Variants in PPFIBP2 observed in about 807,000 individuals in gnomAD.
PPFIBP2 encodes liprin-beta-2.
PPFIBP2 carries 118 observed loss-of-function variants against 118.3 expected under a neutral mutation model. That is an observed-to-expected ratio of 1.00 (90% confidence interval 0.86 to 1.16). The LOEUF (loss-of-function observed/expected upper bound fraction) is 1.16. Ranked by LOEUF, PPFIBP2 falls within the 50% of genes most tolerant of loss-of-function variation. The pLI is 0.00. For synonymous variants in PPFIBP2, 414 were observed against 397.4 expected, an observed-to-expected ratio of 1.04 and a Z score of -0.50; for missense variants, 1,195 against 1,073.1, an observed-to-expected ratio of 1.11 and a Z score of -1.59.
chr11:7,544,167 A>C (rs1175574577), intron 1 of PPFIBP2, among the ~76,000 whole-genome samples: 1 of 152,172 alleles, frequency 6.6e-6, no homozygotes, highest in Non-Finnish European at 1.5e-5. Flanking sequence ...TTTTTTCTTA[A>C]ACAACATACC....
chr11:7,637,405 G>A (rs973846219), intron 14 of PPFIBP2, among the ~76,000 whole-genome samples: 17 of 152,134 alleles, frequency 1.1e-4, no homozygotes, highest in African/African-American at 3.1e-4. Flanking sequence ...CTGTGTGCTA[G>A]GCCCTGTGGA....
intron 3 of PPFIBP2, among the ~76,000 whole-genome samples, chr11:7,590,954 C>G (rs1028945322): frequency 6.6e-6 from 1 of 152,288 alleles, no homozygotes; most frequent in South Asian, 2.1e-4. Flanking sequence ...TTTGATTTTA[C>G]CATACTGATC....
chr11:7,575,002 C>T (rs1266264015), intron 3 of PPFIBP2, among the ~76,000 whole-genome samples: 5 of 152,068 alleles, frequency 3.3e-5, no homozygotes, highest in African/African-American at 1.2e-4. Context: ...TTTCTCTCCC[C>T]TACCCTGCAC....
intron 11 of PPFIBP2, among the ~76,000 whole-genome samples, chr11:7,631,677 A>T (rs931638907): frequency 6.6e-6 from 1 of 152,170 alleles, no homozygotes; most frequent in Non-Finnish European, 1.5e-5. Flanking sequence ...ACGTCACACT[A>T]TCAAATTGAA....
chr11:7,615,878 G>C (rs1293784959), intron 6 of PPFIBP2, among the ~76,000 whole-genome samples: 2 of 152,168 alleles, frequency 1.3e-5, no homozygotes, highest in Non-Finnish European at 2.9e-5. Flanking sequence ...AAATAAAATG[G>C]ATGGGGAACT....
At chr11:7,571,738 T>A (rs1855671678) in intron 3 of PPFIBP2, 1 of 151,704 alleles carries the variant, frequency 6.6e-6, no homozygotes, top group African/African-American at 2.4e-5. Flanking sequence ...GAGAAAGGAG[T>A]AGGTGTGTCC....
chr11:7,631,303 T>C lies in PPFIBP2; in HGVS notation c.1068+275T>C, dbSNP rs1850730860. ...GGCTCCTAGTTTATTTTTATCTTTT[T>C]TTTCTCTGGAATGTAAGCATAGACC... On this transcript the variant is annotated intron_variant, in intron 11 of 23. Coordinates refer to ENST00000299492, the MANE Select transcript of PPFIBP2 (RefSeq NM_003621.5). 3 of 341,780 alleles carry C rather than the reference T, an allele frequency of 8.8e-6. No homozygotes were observed. The East Asian group carries it at 1.6e-4, about 18-fold the overall frequency. The allele number at this position is 341,780 out of a possible 1,614,324, so 21.2% of individuals were successfully genotyped here.
chr11:7,565,496 T>A, intron 2 of PPFIBP2, 57 bp from the exon 3 acceptor site: 4 of 1,571,514 alleles, frequency 2.5e-6, no homozygotes, highest in Non-Finnish European at 3.5e-6. Flanking sequence ...TCTTTACTAG[T>A]ACCTTGCTCA....
At chr11:7,533,707 G>A (rs1246465175) in intron 1 of PPFIBP2, among the ~76,000 whole-genome samples, 1 of 152,200 alleles carries the variant, frequency 6.6e-6, no homozygotes, top group African/African-American at 2.4e-5. Context: ...GGATTTGAAA[G>A]TAGAGATGGA....
At chr11:7,587,650 G>C (rs1460181473) in intron 3 of PPFIBP2, among the ~76,000 whole-genome samples, 1 of 152,192 alleles carries the variant, frequency 6.6e-6, no homozygotes, top group Non-Finnish European at 1.5e-5. Flanking sequence ...TGGGTTCATA[G>C]CTGTCTCTTG....
chr11:7,659,094 G>A (rs1341659730), downstream of PPFIBP2, among the ~76,000 whole-genome samples: 2 of 148,080 alleles, frequency 1.4e-5, no homozygotes, highest in African/African-American at 5.1e-5. Context: ...TTTGTAGGTT[G>A]CCTGTTCACT....
intron 1 of PPFIBP2, among the ~76,000 whole-genome samples, chr11:7,527,535 G>A (rs1850336599): frequency 6.6e-6 from 1 of 152,122 alleles, no homozygotes; most frequent in Non-Finnish European, 1.5e-5. Context: ...GTGATGATGG[G>A]ACCACAAGAT....
rs768008628 is a variant in PPFIBP2, at chr11:7,549,543, C to T, written c.64+4C>T. ...CAAATGGACGGGATCATTGCAGGTA[C>T]GCCCAGGGAACCCCAGCAACCAAGG... On this transcript the variant is annotated splice_donor_region_variant and intron_variant, in intron 2 of 23. Coordinates refer to ENST00000299492, the MANE Select transcript of PPFIBP2 (RefSeq NM_003621.5). 10 of 1,553,470 alleles carry T rather than the reference C, an allele frequency of 6.4e-6. No homozygotes were observed. The highest frequency in any genetic ancestry group is 4.9e-5 in the East Asian group (2 of 41,162).
Position 7,650,885 on chromosome 11 carries a change from G to C in PPFIBP2, c.2167G>C (p.Val723Leu), listed in dbSNP as rs754949770. The C allele has an allele frequency of 7.4e-6, 12 of 1,613,916 alleles. No homozygotes were observed. Among genetic ancestry groups the C allele is most frequent in the African/African-American group, 1.3e-5 (1 of 74,928 alleles). Reference sequence around the variant, plus strand: ...AGTTGTACAGTGGTCCAACCACAGGGTGATGGAGTGGTTACGATCTGTGGA... The same window carrying C: ...AGTTGTACAGTGGTCCAACCACAGGCTGATGGAGTGGTTACGATCTGTGGA... ...SEVVQWSNHR[V>L]MEWLRSVDLA... Residue 723 changes from valine to leucine, a missense_variant, in exon 22 of 24, where the codon GTG (valine) becomes CTG (leucine). By Grantham distance (32) the Val-to-Leu change is conservative (BLOSUM62 1). Coordinates refer to ENST00000299492, the MANE Select transcript of PPFIBP2 (RefSeq NM_003621.5).
intron 1 of PPFIBP2, among the ~76,000 whole-genome samples, chr11:7,523,145 T>G (rs1470862026): frequency 6.6e-6 from 1 of 152,100 alleles, no homozygotes; most frequent in Non-Finnish European, 1.5e-5. Context: ...GTGAGGATCT[T>G]ATCTGGAATC....
rs763257994 is a variant in PPFIBP2, at chr11:7,651,845, G to A, written c.2436+1G>A. ...ACTGACCACCACAGCCAAAGTCCGG[G>A]TGAGTTGCAGAGCCTTTCTGGGTGG... On this transcript the variant is annotated splice_donor_variant, in intron 23 of 23. Transcript: ENST00000299492. LOFTEE classifies it high-confidence loss of function. 8 of 1,606,530 alleles carry A rather than the reference G, an allele frequency of 5.0e-6. No individual in the cohort carries two copies. Among genetic ancestry groups the A allele is most frequent in the South Asian group, 2.2e-5 (2 of 90,804 alleles).
At chr11:7,559,923 AAAAAT>A (rs549118206) in intron 2 of PPFIBP2, among the ~76,000 whole-genome samples, 14 of 152,278 alleles carry the variant, frequency 9.2e-5, no homozygotes, top group South Asian at 6.2e-4. Context: ...CTCCATGTTA[AAAAAT>A]AAAATAAAAT....
At chr11:7,624,649 C>A (rs1475957735) in intron 7 of PPFIBP2, among the ~76,000 whole-genome samples, 1 of 152,236 alleles carries the variant, frequency 6.6e-6, no homozygotes, top group Non-Finnish European at 1.5e-5. Context: ...CGATGCTCAT[C>A]CCTTTTCTTA....
At chr11:7,611,732 T>TG (rs1848093520) in intron 6 of PPFIBP2, among the ~76,000 whole-genome samples, 2 of 152,196 alleles carry the variant, frequency 1.3e-5, no homozygotes, top group Admixed American at 1.3e-4. Flanking sequence ...AATGAGACAA[T>TG]GTATGTGGAA....
Sources: allele counts gnomAD v4.1 joint callset (sites outside exome capture counted in the v4.1 genomes callset), GRCh38; gene constraint gnomAD v4.1.1; transcripts MANE v1.5; gene names NCBI Gene and HGNC (gene_info 2026-07-23, HGNC 2026-07-21).